The following ACVR2B variants were observed in gnomAD, a reference collection of about 807,000 sequenced individuals.
ACVR2B encodes activin receptor type-2B.
ACVR2B carries 18 observed loss-of-function variants against 65.1 expected under a neutral mutation model. The observed-to-expected ratio is 0.28, with a 90% CI of 0.19 to 0.41. The LOEUF (loss-of-function observed/expected upper bound fraction) is 0.41, where lower values mean the gene tolerates loss of function less well. Among genes scored for constraint, ACVR2B ranks in the 10% least tolerant of loss-of-function variants. The pLI is 1.00. For synonymous variants in ACVR2B, 298 were observed against 277.7 expected (o/e 1.07, Z -0.73); for missense variants, 482 against 682.7 (o/e 0.71, Z 3.28).
In ACVR2B at chr3:38,491,370, G is replaced by GAC. The variant is rs1004575573; in HGVS notation, c.*8042_*8043dup. 32 of 152,778 alleles carry GAC rather than the reference G, an allele frequency of 2.1e-4. No individual in the cohort carries two copies. The highest frequency in any genetic ancestry group is 7.2e-4 in the African/African-American group (30 of 41,568). 9.5% of individuals were successfully genotyped at this position (152,778 alleles called of 1,614,324 possible). ...AGACCTGCTGTTCCGCAGACCATGG[G>GAC]ACACAAGGTCAGTGTGTTCCCAGTG... On this transcript the variant is annotated 3_prime_UTR_variant, in exon 11 of 11. Transcript: ENST00000352511.
intron 1 of ACVR2B, among the ~76,000 whole-genome samples, chr3:38,467,752 C>CA (rs71085327): frequency 0.043 from 5,986 of 139,370 alleles, 421 homozygotes; most frequent in African/African-American, 0.15. Context: ...ACCCTGTGTC[C>CA]AAAAAAAAAA....
Position 38,482,440 on chromosome 3 carries a change from T to C in ACVR2B, c.1224T>C (p.Asp408=), listed in dbSNP as rs752052061. The C allele has an allele frequency of 1.9e-5, 31 of 1,612,162 alleles. No homozygotes were observed. The South Asian group carries it at 3.3e-4, about 17-fold the overall frequency. The change falls in exon 10 of 11, where the codon GAT becomes GAC. Residue 408 remains aspartate, a synonymous_variant. Coordinates refer to ENST00000352511, the MANE Select transcript of ACVR2B (RefSeq NM_001106.4). ...SRCKAADGPV[D]EYMLPFEEEI... ...CTCTCTTTCTCCTAGGACCCGTGGA[T>C]GAGTACATGCTGCCCTTTGAGGAAG...
chr3:38,461,915 G>A (rs140686548), intron 1 of ACVR2B, among the ~76,000 whole-genome samples: 35 of 152,230 alleles, frequency 2.3e-4, no homozygotes, highest in African/African-American at 7.7e-4. Context: ...GCTTTTGGCC[G>A]GGCGTGGTGG....
At position 38,491,720 on chromosome 3, in the gene ACVR2B, T is replaced by C. The variant is rs1005128163; in HGVS notation, c.*8388T>C. 2.6e-5 allele frequency: 4 copies of C among 152,240 alleles called. No individual in the cohort carries two copies. Among genetic ancestry groups the C allele is most frequent in the African/African-American group, 9.6e-5 (4 of 41,466 alleles). 9.4% of individuals were successfully genotyped at this position (152,240 alleles called of 1,614,324 possible). ...AGACCTCATCTGAAAATGTTAAGACTGCCAGTGAGGGAAGGAATTGTTAAA... is the reference window on the plus strand; with the variant it reads ...AGACCTCATCTGAAAATGTTAAGACCGCCAGTGAGGGAAGGAATTGTTAAA... On this transcript the variant is annotated 3_prime_UTR_variant, in exon 11 of 11. Transcript: ENST00000352511.
chr3:38,479,284 C>T lies in ACVR2B; in HGVS notation c.810+13C>T, dbSNP rs1709975213. On this transcript the variant is annotated intron_variant, in intron 6 of 10. Transcript: ENST00000352511. ...CTTCCATGACAAGGTGAGCCACACC[C>T]ATCAGAATGGACTCTGAGAGGAGAT... 1.2e-6 allele frequency: 2 copies of T among 1,613,992 alleles called. No individual in the cohort carries two copies. Among genetic ancestry groups the T allele is most frequent in the Non-Finnish European group, 1.7e-6 (2 of 1,180,018 alleles).
At chr3:38,454,692 A>C in intron 1 of ACVR2B, 1 of 253,744 alleles carries the variant, frequency 3.9e-6, no homozygotes, top group Non-Finnish European at 7.5e-6. Flanking sequence ...AGAGTGAGGA[A>C]AACCTGAGCG....
At chr3:38,465,690 G>A (rs1709716266) in intron 1 of ACVR2B, among the ~76,000 whole-genome samples, 1 of 152,152 alleles carries the variant, frequency 6.6e-6, no homozygotes, top group Non-Finnish European at 1.5e-5. Flanking sequence ...GATGAAATGA[G>A]AAGGTCTAAG....
intron 7 of ACVR2B, among the ~76,000 whole-genome samples, chr3:38,480,246 CTA>C (rs1371010782): frequency 2.6e-5 from 4 of 152,136 alleles, no homozygotes. Flanking sequence ...CGGGAAAACT[CTA>C]TGCTCCTAAG....
At chr3:38,473,874 G>A (rs893963070) in intron 1 of ACVR2B, 15 of 152,580 alleles carry the variant, frequency 9.8e-5, no homozygotes, top group African/African-American at 3.6e-4. Context: ...GATCTGGTCA[G>A]ATGGGGGTCA....
chr3:38,456,475 A>G (rs937157555), intron 1 of ACVR2B, among the ~76,000 whole-genome samples: 6 of 152,234 alleles, frequency 3.9e-5, no homozygotes, highest in Non-Finnish European at 8.8e-5. Flanking sequence ...AACGTTTTCT[A>G]GTAGTCGTGT....
rs1454705261 is a variant in ACVR2B, at chr3:38,485,436, T to C, written c.*2104T>C. ...GAGTGAAGGGTTTTGCCCTTGCTGG[T>C]CTTGGAGTCCACAGTGTGAGGGGCA... On this transcript the variant is annotated 3_prime_UTR_variant, in exon 11 of 11. Coordinates refer to ENST00000352511, the MANE Select transcript of ACVR2B (RefSeq NM_001106.4). 1 of 152,266 alleles carries C rather than the reference T, an allele frequency of 6.6e-6. No homozygotes were observed. The highest frequency in any genetic ancestry group is 1.9e-4 in the East Asian group (1 of 5,178). The allele number at this position is 152,266 out of a possible 1,614,324, so 9.4% of individuals were successfully genotyped here.
chr3:38,466,509 T>C (rs1339328216), intron 1 of ACVR2B, among the ~76,000 whole-genome samples: 3 of 149,180 alleles, frequency 2.0e-5, no homozygotes, highest in Admixed American at 2.0e-4. Flanking sequence ...CAAAACTTCT[T>C]TTTTTTTTTT....
intron 6 of ACVR2B, among the ~76,000 whole-genome samples, 171 bp downstream of exon 6, chr3:38,479,442 C>T (rs565904700): frequency 1.3e-5 from 2 of 152,244 alleles, no homozygotes; most frequent in East Asian, 1.9e-4. Flanking sequence ...CATTGGTTCC[C>T]CTATGATAGG....
chr3:38,478,523 GTGTT>G lies in ACVR2B; in HGVS notation c.666+8_666+11del, dbSNP rs1709955232. 5 of 1,614,002 alleles carry G rather than the reference GTGTT, an allele frequency of 3.1e-6. No individual in the cohort carries two copies. Among genetic ancestry groups the G allele is most frequent in the East Asian group, 2.2e-5 (1 of 44,886 alleles). ...GTCAAGATCTTCCCACTCCAGGTGA[GTGTT>G]TGAGGGGCTCCATCCAGGTCCTCTG... On this transcript the variant is annotated splice_donor_region_variant and intron_variant, in intron 5 of 10. Transcript: ENST00000352511.
chr3:38,470,798 C>A (rs948445521), intron 1 of ACVR2B, among the ~76,000 whole-genome samples: 1 of 152,116 alleles, frequency 6.6e-6, no homozygotes, highest in African/African-American at 2.4e-5. Flanking sequence ...TAAGTGTACC[C>A]ATTAAAGTTT....
At position 38,478,264 on chromosome 3, in the gene ACVR2B, C is replaced by A; in HGVS notation, c.494C>A (p.Pro165His). The change falls in exon 4 of 11, where the codon CCC (proline) becomes CAC (histidine). Residue 165 changes from proline to histidine, a missense_variant. This residue lies in a region of ACVR2B where 95 missense variants were observed against 91.6 expected (regional missense o/e 1.04). Transcript: ENST00000352511. ...TTTTGGATGTACCGGCATCGCAAGC[C>A]CCCCTACGGTCATGTGGACATCCAT... ...LAFWMYRHRK[P>H]PYGHVDIHED... is the part of the protein sequence containing the mutation. 1 of 1,614,126 alleles carries A rather than the reference C, an allele frequency of 6.2e-7. No homozygotes were observed.
rs2059807171 is a variant in ACVR2B, at chr3:38,491,152, T to C, written c.*7820T>C. 6.6e-6 allele frequency: 1 copy of C among 152,364 alleles called. No homozygotes were observed. Among genetic ancestry groups the C allele is most frequent in the Non-Finnish European group, 1.5e-5 (1 of 68,048 alleles). 9.4% of individuals were successfully genotyped at this position (152,364 alleles called of 1,614,324 possible). ...AGGCCTTGTGGGATATGGCTGTTTG[T>C]CATTTTGATGTATTTTAAATAAATA... is the stretch of plus-strand genomic sequence containing the variant. On this transcript the variant is annotated 3_prime_UTR_variant, in exon 11 of 11. Transcript: ENST00000352511.
Position 38,477,009 on chromosome 3 carries a change from G to T in ACVR2B, c.53-278G>T, listed in dbSNP as rs770995734. The T allele has an allele frequency of 2.9e-5, 16 of 553,560 alleles. No homozygotes were observed. Among genetic ancestry groups the T allele is most frequent in the Non-Finnish European group, 5.2e-5 (16 of 307,742 alleles). 34.3% of individuals were successfully genotyped at this position (553,560 alleles called of 1,614,324 possible). A position where few individuals can be genotyped will look rare whatever the true frequency, so the allele number is the denominator to read the frequency against. Reference sequence around the variant, plus strand: ...CTGGCTGTTTATCCATCCTTCTGTGGCATTAGGTTTCCTGCCTCCTCCCTT... The same window carrying T: ...CTGGCTGTTTATCCATCCTTCTGTGTCATTAGGTTTCCTGCCTCCTCCCTT... On this transcript the variant is annotated intron_variant, in intron 1 of 10. Coordinates refer to ENST00000352511, the MANE Select transcript of ACVR2B (RefSeq NM_001106.4). This position sits in a 1 kb window ranked among gnomAD's most constrained non-coding sequence, Gnocchi z 6.7.
intron 9 of ACVR2B, 45 bp from the exon 10 acceptor site, chr3:38,482,385 A>C (rs552934349): frequency 6.2e-7 from 1 of 1,610,434 alleles, no homozygotes; most frequent in South Asian, 1.1e-5. Flanking sequence ...GATAGGGAGC[A>C]GTGGGACCTT....
Sources: allele counts gnomAD v4.1 joint callset (sites outside exome capture counted in the v4.1 genomes callset), GRCh38; gene constraint gnomAD v4.1.1; regional missense constraint gnomAD v4.1.1; non-coding constraint Gnocchi (gnomAD v3.1); transcripts MANE v1.5; gene names NCBI Gene and HGNC (gene_info 2026-07-23, HGNC 2026-07-21).